The following GRID2 variants were observed in gnomAD, a reference collection of about 807,000 sequenced individuals.
The protein encoded by GRID2 is glutamate receptor ionotropic, delta-2.
In GRID2, 33 loss-of-function variants were observed where a neutral mutation model predicts 114.8. The observed-to-expected ratio is 0.29, with a 90% CI of 0.22 to 0.38. The LOEUF (loss-of-function observed/expected upper bound fraction) is 0.38. GRID2 is among the 10% of genes least tolerant of loss of function. The probability of loss-of-function intolerance (pLI) is 1.00; values close to 1 mark genes in which losing one functional copy is unlikely to be tolerated. For synonymous variants in GRID2, 505 were observed against 449.9 expected (o/e 1.12, Z -1.55); for missense variants, 1,184 against 1,257.7 (o/e 0.94, Z 0.89).
At chr4:93,482,156 C>T (rs1725936946) in intron 11 of GRID2, among the ~76,000 whole-genome samples, 1 of 151,920 alleles carries the variant, frequency 6.6e-6, no homozygotes, top group Non-Finnish European at 1.5e-5. Flanking sequence ...ACCTTATTAT[C>T]TGAGGCTTTG....
chr4:92,421,907 A>C (rs1458481269), intron 1 of GRID2, among the ~76,000 whole-genome samples: 1 of 152,144 alleles, frequency 6.6e-6, no homozygotes, highest in Non-Finnish European at 1.5e-5. Context: ...AAGACAGAAA[A>C]AGTTCCTCGC....
At chr4:92,401,003 T>A (rs1730762685) in intron 1 of GRID2, among the ~76,000 whole-genome samples, 1 of 152,174 alleles carries the variant, frequency 6.6e-6, no homozygotes, top group Admixed American at 6.6e-5. Flanking sequence ...GCTAATCAAA[T>A]ATGATTTGCA....
chr4:93,295,147 A>C (rs752885216), intron 8 of GRID2, among the ~76,000 whole-genome samples: 1 of 152,166 alleles, frequency 6.6e-6, no homozygotes, highest in African/African-American at 2.4e-5. Context: ...CTGGGTGAAT[A>C]AAATGAAAGT....
intron 1 of GRID2, among the ~76,000 whole-genome samples, chr4:92,365,488 G>C (rs1178370700): frequency 1.3e-5 from 2 of 151,362 alleles, no homozygotes; most frequent in African/African-American, 2.4e-5. Flanking sequence ...GGTGGTGCTG[G>C]TGGTGGTGGT....
chr4:92,862,410 T>C (rs1744591683), intron 2 of GRID2, among the ~76,000 whole-genome samples: 1 of 152,108 alleles, frequency 6.6e-6, no homozygotes, highest in Non-Finnish European at 1.5e-5. Context: ...ATCTTTTTTT[T>C]ATTTTCTACA....
chr4:93,772,112 C>T lies in GRID2; in HGVS notation c.2638C>T (p.Arg880Cys), dbSNP rs200251056. Residue 880 changes from arginine to cysteine, a missense_variant, in exon 16 of 16, where the codon CGT becomes TGT. By Grantham distance (180) the Arg-to-Cys change is radical. Coordinates refer to ENST00000282020, the MANE Select transcript of GRID2 (RefSeq NM_001510.4). ...KEIDLEHLHRRVNSLCTDDDS... is the reference protein window; with the variant it reads ...KEIDLEHLHRCVNSLCTDDDS... ...AATTGACCTGGAGCACCTCCATAGACGTGTAAATAGCTTGTGCACAGATGA... is the reference window on the plus strand; with the variant it reads ...AATTGACCTGGAGCACCTCCATAGATGTGTAAATAGCTTGTGCACAGATGA... 1.4e-5 allele frequency: 23 copies of T among 1,611,598 alleles called. No homozygotes were observed. The highest frequency in any genetic ancestry group is 2.7e-5 in the African/African-American group (2 of 74,762).
intron 9 of GRID2, among the ~76,000 whole-genome samples, chr4:93,413,729 CTT>C (rs1767436326): frequency 6.6e-6 from 1 of 152,056 alleles, no homozygotes; most frequent in Non-Finnish European, 1.5e-5. Flanking sequence ...AAGATTATGA[CTT>C]TAATTATTTT....
intron 2 of GRID2, among the ~76,000 whole-genome samples, chr4:93,030,521 A>T (rs893235682): frequency 4.0e-5 from 6 of 151,800 alleles, no homozygotes; most frequent in African/African-American, 1.5e-4. Flanking sequence ...AGTAGCAGGG[A>T]TTACAGGCAT....
At chr4:93,289,298 A>C (rs1342049333) in intron 8 of GRID2, among the ~76,000 whole-genome samples, 6 of 152,150 alleles carry the variant, frequency 3.9e-5, no homozygotes, top group Non-Finnish European at 1.5e-5. Flanking sequence ...TGATAGTTGA[A>C]GAAAATAGGA....
intron 2 of GRID2, among the ~76,000 whole-genome samples, chr4:92,931,489 G>GA (rs1211981172): frequency 6.7e-6 from 1 of 150,200 alleles, no homozygotes; most frequent in Non-Finnish European, 1.5e-5. Context: ...TAATTTAGCA[G>GA]AAAAAAAATA....
chr4:93,207,838 C>G (rs1415222392), intron 5 of GRID2, among the ~76,000 whole-genome samples: 1 of 151,850 alleles, frequency 6.6e-6, no homozygotes, highest in African/African-American at 2.4e-5. Flanking sequence ...TGTCCACCCT[C>G]CTTACATGAG....
Position 93,806,429 on chromosome 4 carries a change from A to G in GRID2, c.222-286A>G, listed in dbSNP as rs551927673. 2.0e-5 allele frequency among the ~76,000 whole-genome samples: 3 copies of G among 152,316 alleles called. No homozygotes were observed. The East Asian group carries it at 5.8e-4, about 29-fold the overall frequency. On this transcript the variant is annotated intron_variant, in intron 1 of 1. Transcript: ENST00000637838. ...AAGTCCTTATCCACTCTAAACTACC[A>G]AAGTATCCTAATCCAGACCTGGATG...
In GRID2 at chr4:92,643,606, T is replaced by A. The variant is rs574954447; in HGVS notation, c.244+53320T>A. ...ACAATAGCTACAAAAAAATGAAATA[T>A]CTATGAATACAGTTAGCCAGCTAAT... On this transcript the variant is annotated intron_variant, in intron 2 of 15. Coordinates refer to ENST00000282020, the MANE Select transcript of GRID2 (RefSeq NM_001510.4). Among the ~76,000 whole-genome samples, 5 of 151,822 alleles carry A rather than the reference T, an allele frequency of 3.3e-5. No individual in the cohort carries two copies. In the East Asian group the frequency reaches 9.7e-4, roughly 29 times the overall value.
At chr4:92,829,386 G>C (rs1187129053) in intron 2 of GRID2, among the ~76,000 whole-genome samples, 1 of 152,134 alleles carries the variant, frequency 6.6e-6, no homozygotes, top group African/African-American at 2.4e-5. Flanking sequence ...ACCACAACAG[G>C]ATACCATCTC....
chr4:93,740,334 C>A (rs1213638268), intron 14 of GRID2, among the ~76,000 whole-genome samples: 2 of 152,168 alleles, frequency 1.3e-5, no homozygotes, highest in Non-Finnish European at 2.9e-5. Context: ...CGCCAAGCAA[C>A]CCATGACTGT....
rs10593127 is a variant in GRID2 at position 92,713,476 on chromosome 4, C to CATATATAT, written c.244+123225_244+123232dup. ...TTACATATATTTACATATACATATACATATATATATATATATATATATATA... is the reference window on the plus strand; with the variant it reads ...TTACATATATTTACATATACATATACATATATATATATATATATATATATATATATATA... On this transcript the variant is annotated intron_variant, in intron 2 of 15. Transcript: ENST00000282020. Among the ~76,000 whole-genome samples, 223 of 53,972 alleles carry CATATATAT rather than the reference C, an allele frequency of 4.1e-3. 4 individuals are homozygous for CATATATAT. Among genetic ancestry groups the CATATATAT allele is most frequent in the Middle Eastern group, 0.018 (1 of 56 alleles). The allele number at this position is 53,972 out of a possible 152,430, so 35.4% of individuals were successfully genotyped here.
intron 2 of GRID2, among the ~76,000 whole-genome samples, chr4:93,050,472 A>G (rs558204456): frequency 1.1e-4 from 16 of 151,612 alleles, no homozygotes; most frequent in Admixed American, 7.9e-4. Flanking sequence ...CGTGGAAACC[A>G]TGAAGTCAGT....
At chr4:93,282,410 C>T (rs1007044914) in intron 8 of GRID2, 1 of 445,838 alleles carries the variant, frequency 2.2e-6, no homozygotes, top group African/African-American at 2.0e-5. Flanking sequence ...ATCAAGGAGT[C>T]TGCATCTGGT....
chr4:92,935,424 T>G (rs551329005), intron 2 of GRID2, among the ~76,000 whole-genome samples: 13 of 146,686 alleles, frequency 8.9e-5, no homozygotes, highest in South Asian at 4.6e-4. Context: ...GGAACACTTT[T>G]ACACTGTTGG....
Sources: allele counts gnomAD v4.1 joint callset (sites outside exome capture counted in the v4.1 genomes callset), GRCh38; gene constraint gnomAD v4.1.1; transcripts MANE v1.5; gene names NCBI Gene and HGNC (gene_info 2026-07-23, HGNC 2026-07-21).